RANBP3L: variants seen among roughly 807,000 people sequenced by gnomAD.
RANBP3L encodes RAN binding protein 3 like.
A neutral mutation model predicts 67.2 loss-of-function variants in RANBP3L; 56 were observed. The ratio of observed to expected loss-of-function variants is 0.83; its 90% confidence interval spans 0.67 to 1.04. The LOEUF is 1.04. Among genes scored for constraint, RANBP3L ranks in the 50% least tolerant of loss-of-function variants. RANBP3L has a pLI of 0.00. For missense variants in RANBP3L, 496 were observed against 535.5 expected, an observed-to-expected ratio of 0.93 and a Z score of 0.73; for synonymous variants, 164 against 181.4, an observed-to-expected ratio of 0.90 and a Z score of 0.77.
chr5:36,282,540 C>T (rs913925459), intron 1 of RANBP3L, among the ~76,000 whole-genome samples: 6 of 152,248 alleles, frequency 3.9e-5, no homozygotes, highest in Middle Eastern at 3.4e-3. Flanking sequence ...GGACACAGGC[C>T]GGATGGAGAA....
intron 1 of RANBP3L, among the ~76,000 whole-genome samples, chr5:36,296,491 A>T (rs1419551042): frequency 2.0e-5 from 3 of 152,286 alleles, no homozygotes; most frequent in African/African-American, 4.8e-5. Context: ...AGATCAATTT[A>T]AAAAAATTAA....
At chr5:36,251,280 A>C in intron 13 of RANBP3L, 33 bp downstream of exon 13, 2 of 1,563,136 alleles carry the variant, frequency 1.3e-6, no homozygotes, top group Non-Finnish European at 8.7e-7. Flanking sequence ...TTCTTTTTTA[A>C]ACCTCTGAAC....
chr5:36,291,498 A>T (rs918631351), intron 1 of RANBP3L, among the ~76,000 whole-genome samples: 1 of 152,074 alleles, frequency 6.6e-6, no homozygotes, highest in Non-Finnish European at 1.5e-5. Flanking sequence ...CGCTGCACCC[A>T]CTAACTCGTC....
chr5:36,298,673 T>A (rs992962988), intron 1 of RANBP3L, among the ~76,000 whole-genome samples: 17 of 152,258 alleles, frequency 1.1e-4, no homozygotes, highest in African/African-American at 4.1e-4. Context: ...AGATGATATT[T>A]CTTGCAGCAA....
chr5:36,259,232 G>A (rs1749199768), intron 8 of RANBP3L, among the ~76,000 whole-genome samples: 1 of 151,712 alleles, frequency 6.6e-6, no homozygotes. Context: ...GGGAATGACA[G>A]AAGGGTTCCT....
At position 36,255,494 on chromosome 5, in the gene RANBP3L, A is replaced by T. The variant is rs2111664366; in HGVS notation, c.1000T>A (p.Cys334Ser). ...LRLNDTASTD[C>S]GTLQSRLIMR... ...CTTAGTCTTGACTGTAATGTTCCAC[A>T]GTCAGTGCTTGCTGTGTCATTCAGT... Residue 334 changes from cysteine (C) to serine (S), a missense_variant, in exon 11 of 14, where the codon TGT becomes AGT. Physicochemically the swap from Cys to Ser is moderately radical, Grantham distance 112. Coordinates refer to ENST00000296604, the MANE Select transcript of RANBP3L (RefSeq NM_145000.5). 7 of 1,611,538 alleles carry T rather than the reference A, an allele frequency of 4.3e-6. No individual in the cohort carries two copies. Among genetic ancestry groups the T allele is most frequent in the Non-Finnish European group, 5.9e-6 (7 of 1,178,220 alleles).
chr5:36,256,073 C>T (rs1350578017), intron 10 of RANBP3L, among the ~76,000 whole-genome samples: 2 of 151,842 alleles, frequency 1.3e-5, no homozygotes, highest in Non-Finnish European at 2.9e-5. Flanking sequence ...ATCATTGAAC[C>T]ATTTGCATGC....
chr5:36,293,795 C>T (rs1447093447), intron 1 of RANBP3L, among the ~76,000 whole-genome samples: 4 of 148,274 alleles, frequency 2.7e-5, no homozygotes, highest in African/African-American at 9.9e-5. Context: ...CTGCTGGATT[C>T]GGTTTGCCAG....
intron 8 of RANBP3L, among the ~76,000 whole-genome samples, chr5:36,259,335 C>T (rs1330386501): frequency 6.6e-6 from 1 of 152,146 alleles, no homozygotes; most frequent in Non-Finnish European, 1.5e-5. Context: ...ATAATCCCAG[C>T]ACTTAGGGAG....
At chr5:36,284,867 A>T (rs1751216672) in intron 1 of RANBP3L, among the ~76,000 whole-genome samples, 1 of 152,218 alleles carries the variant, frequency 6.6e-6, no homozygotes, top group Non-Finnish European at 1.5e-5. Context: ...ATAGAAATTA[A>T]CCAGTGATTT....
rs373419482 is a variant in RANBP3L, at chr5:36,255,595, A to G, written c.904-5T>C. 6.3e-7 allele frequency: 1 copy of G among 1,595,712 alleles called. No individual in the cohort carries two copies. Among genetic ancestry groups the G allele is most frequent in the Non-Finnish European group, 8.5e-7 (1 of 1,171,974 alleles). On this transcript the variant is annotated splice_polypyrimidine_tract_variant and splice_region_variant and intron_variant, in intron 10 of 13. Coordinates refer to ENST00000296604, the MANE Select transcript of RANBP3L (RefSeq NM_145000.5). ...TATGAAAAGCTTGCAGTTTATCTAA[A>G]TGACAATTTTTTAAAATGTCAAATA...
intron 1 of RANBP3L, among the ~76,000 whole-genome samples, chr5:36,296,113 C>A (rs1204019301): frequency 2.6e-5 from 4 of 152,114 alleles, no homozygotes; most frequent in African/African-American, 9.7e-5. Context: ...CTCCCATGTA[C>A]CTCTTCATCT....
At chr5:36,256,170 A>G (rs1367847854) in intron 10 of RANBP3L, among the ~76,000 whole-genome samples, 4 of 152,134 alleles carry the variant, frequency 2.6e-5, no homozygotes, top group Admixed American at 2.6e-4. Flanking sequence ...ACTACTGTGT[A>G]CAAGAATCAC....
At chr5:36,261,875 T>C in intron 7 of RANBP3L, 64 bp downstream of exon 7, 1 of 777,280 alleles carries the variant, frequency 1.3e-6, no homozygotes, top group Non-Finnish European at 2.1e-6. Flanking sequence ...TTTCCATGAA[T>C]GGTTATAATA....
chr5:36,282,023 A>C (rs1436863312), intron 1 of RANBP3L, among the ~76,000 whole-genome samples: 2 of 152,174 alleles, frequency 1.3e-5, no homozygotes. Context: ...CTTTCTCTAC[A>C]CTACTCCCTT....
At chr5:36,299,082 C>CA (rs34418838) in intron 1 of RANBP3L, among the ~76,000 whole-genome samples, 2 of 151,776 alleles carry the variant, frequency 1.3e-5, no homozygotes, top group Admixed American at 6.6e-5. Flanking sequence ...ACAAAGCAGG[C>CA]AAAAAAACGT....
rs1209252524 is a variant in RANBP3L at position 36,247,690 on chromosome 5, C to A, written c.*1964G>T. Among the ~76,000 whole-genome samples, 1 of 152,154 alleles carries A rather than the reference C, an allele frequency of 6.6e-6. No homozygotes were observed. Among genetic ancestry groups the A allele is most frequent in the African/African-American group, 2.4e-5 (1 of 41,442 alleles). ...CTTGAGATCAGGAGTTCAAGACCAG[C>A]CTGGCCAACATGGTGAAACCCCGTC... is the stretch of plus-strand genomic sequence containing the variant. On this transcript the variant is annotated 3_prime_UTR_variant, in exon 14 of 14. Transcript: ENST00000296604.
intron 6 of RANBP3L, among the ~76,000 whole-genome samples, chr5:36,263,944 T>G (rs1749571606): frequency 6.6e-6 from 1 of 152,224 alleles, no homozygotes; most frequent in Admixed American, 6.5e-5. Flanking sequence ...TACTTAAAAA[T>G]TACTTATATA....
Position 36,265,008 on chromosome 5 carries a change from C to G in RANBP3L, c.431G>C (p.Gly144Ala). The change falls in exon 6 of 14, where the codon GGA becomes GCA. Residue 144 changes from glycine to alanine, a missense_variant. Coordinates refer to ENST00000296604, the MANE Select transcript of RANBP3L (RefSeq NM_145000.5). ...RSCAKVRKTF[G>A]HKALESCKTK... ...CTTGCAAGATTCCAGTGCCTTGTGT[C>G]CAAATGTTTTTCTTACTTTTGCACA... The G allele has an allele frequency of 6.2e-7, 1 of 1,613,752 alleles. No individual in the cohort carries two copies. Among genetic ancestry groups the G allele is most frequent in the Non-Finnish European group, 8.5e-7 (1 of 1,179,772 alleles).
Sources: allele counts gnomAD v4.1 joint callset (sites outside exome capture counted in the v4.1 genomes callset), GRCh38; gene constraint gnomAD v4.1.1; transcripts MANE v1.5; gene names NCBI Gene and HGNC (gene_info 2026-07-23, HGNC 2026-07-21).